The following GREM2 variants were observed in gnomAD, a reference collection of about 807,000 sequenced individuals.
GREM2 encodes the protein gremlin-2.
In GREM2, 11 loss-of-function variants were observed where a neutral mutation model predicts 14.2. The ratio of observed to expected loss-of-function variants is 0.78; its 90% CI spans 0.49 to 1.28. The LOEUF (loss-of-function observed/expected upper bound fraction) is 1.28. Among genes scored for constraint, GREM2 ranks in the 50% most tolerant of loss-of-function variants. The pLI is 0.00. For synonymous variants in GREM2, 98 were observed against 97.6 expected (o/e 1.00, Z -0.02); for missense variants, 210 against 218.5 (o/e 0.96, Z 0.24).
chr1:240,572,032 C>T (rs533708203), intron 1 of GREM2, among the ~76,000 whole-genome samples: 6 of 152,146 alleles, frequency 3.9e-5, no homozygotes, highest in African/African-American at 1.4e-4. Context: ...CCCACAGGGC[C>T]TCATGAGGAT....
At chr1:240,555,423 A>G (rs1045584205) in intron 1 of GREM2, among the ~76,000 whole-genome samples, 1 of 152,226 alleles carries the variant, frequency 6.6e-6, no homozygotes, top group Admixed American at 6.5e-5. Flanking sequence ...AGCATTAGCT[A>G]CGATTATTGG....
chr1:240,594,770 A>G lies in GREM2; in HGVS notation c.-2+17114T>C, dbSNP rs185411850. Among the ~76,000 whole-genome samples, 816 of 152,222 alleles carry G rather than the reference A, an allele frequency of 5.4e-3. 23 individuals are homozygous for G. The highest frequency in any genetic ancestry group is 0.048 in the Admixed American group (737 of 15,262). On this transcript the variant is annotated intron_variant, in intron 1 of 1. Coordinates refer to ENST00000318160, the MANE Select transcript of GREM2 (RefSeq NM_022469.4). ...CATGTGTCACTTAACGACAGGGGAC[A>G]CATTCTAAAAATGTGTTTTTAGAGA... is the stretch of plus-strand genomic sequence containing the variant.
intron 1 of GREM2, among the ~76,000 whole-genome samples, chr1:240,574,354 C>T (rs1232320845): frequency 6.6e-6 from 1 of 152,058 alleles, no homozygotes. Context: ...TAGAAAAGAA[C>T]CTACTAGTAA....
intron 1 of GREM2, among the ~76,000 whole-genome samples, chr1:240,584,948 C>G (rs1679560689): frequency 6.6e-6 from 1 of 152,094 alleles, no homozygotes; most frequent in African/African-American, 2.4e-5. Context: ...GCCATCCTTT[C>G]TGTCCATCCT....
In GREM2 at chr1:240,500,276, A is replaced by G. The variant is rs143309159; in HGVS notation, c.-1-6800T>C. ...TTTTGCTGCTCATGTTCTGTGTATC[A>G]GAGTATGTTTGTGTGTGTGGATAAT... On this transcript the variant is annotated intron_variant, in intron 1 of 1. Coordinates refer to ENST00000318160, the MANE Select transcript of GREM2 (RefSeq NM_022469.4). Among the ~76,000 whole-genome samples the G allele has an allele frequency of 5.4e-4, 82 of 151,806 alleles. No homozygotes were observed. In the East Asian group the frequency reaches 0.014, roughly 26 times the overall value.
intron 1 of GREM2, chr1:240,530,998 A>G (rs1194724144): frequency 1.3e-5 from 2 of 152,252 alleles, no homozygotes. Context: ...TCAAATGATG[A>G]CAGACATTTA....
rs1451221631 is a variant in GREM2, at chr1:240,589,358, C to A, written c.-2+22526G>T. 2.0e-5 allele frequency among the ~76,000 whole-genome samples: 3 copies of A among 151,668 alleles called. No individual in the cohort carries two copies. In the East Asian group the frequency reaches 5.9e-4, roughly 30 times the overall value. On this transcript the variant is annotated intron_variant, in intron 1 of 1. Coordinates refer to ENST00000318160, the MANE Select transcript of GREM2 (RefSeq NM_022469.4). ...TCTGAGGGAGAAGAACCGCTTGAACCCGGGAGGCAGAGGTTGTGTTGAGCT... is the reference window on the plus strand; with the variant it reads ...TCTGAGGGAGAAGAACCGCTTGAACACGGGAGGCAGAGGTTGTGTTGAGCT...
intron 1 of GREM2, among the ~76,000 whole-genome samples, chr1:240,608,695 G>T (rs1052132947): frequency 8.5e-5 from 13 of 152,216 alleles, no homozygotes; most frequent in Non-Finnish European, 1.8e-4. Flanking sequence ...TGAGTTCACT[G>T]TGAAATATGC....
At chr1:240,574,288 G>T (rs1439198009) in intron 1 of GREM2, among the ~76,000 whole-genome samples, 2 of 152,056 alleles carry the variant, frequency 1.3e-5, no homozygotes, top group Non-Finnish European at 2.9e-5. Flanking sequence ...CCACTCCTCA[G>T]AAAAGAAAGA....
chr1:240,521,978 G>A (rs569458195), intron 1 of GREM2, among the ~76,000 whole-genome samples: 9 of 151,112 alleles, frequency 6.0e-5, no homozygotes, highest in African/African-American at 1.5e-4. Flanking sequence ...TAATTAGCTC[G>A]GCATGGTGGC....
Position 240,525,720 on chromosome 1 carries a change from C to T in GREM2, c.-1-32244G>A, listed in dbSNP as rs1247347816. ...TCTTGAACTTGTGACTTCAAGTGAT[C>T]CACCCTCCTCGGCCTCCCAAAATGT... On this transcript the variant is annotated intron_variant, in intron 1 of 1. Transcript: ENST00000318160. Among the ~76,000 whole-genome samples, 4 of 152,102 alleles carry T rather than the reference C, an allele frequency of 2.6e-5. No individual in the cohort carries two copies. The East Asian group carries it at 7.8e-4, about 30-fold the overall frequency.
At chr1:240,555,594 A>G (rs1678940793) in intron 1 of GREM2, among the ~76,000 whole-genome samples, 1 of 152,238 alleles carries the variant, frequency 6.6e-6, no homozygotes, top group Non-Finnish European at 1.5e-5. Context: ...CTGAAGATCA[A>G]AATGAAAATT....
chr1:240,535,325 G>A (rs1678450166), intron 1 of GREM2, among the ~76,000 whole-genome samples: 1 of 152,154 alleles, frequency 6.6e-6, no homozygotes, highest in Non-Finnish European at 1.5e-5. Context: ...AAAAGTGAGT[G>A]GAGAGCTGAG....
chr1:240,528,370 C>T (rs963834537), intron 1 of GREM2, among the ~76,000 whole-genome samples: 1 of 152,058 alleles, frequency 6.6e-6, no homozygotes, highest in Non-Finnish European at 1.5e-5. Context: ...AGCAGAGGCT[C>T]AATAATGTTT....
chr1:240,499,644 G>A (rs1677519580), intron 1 of GREM2, among the ~76,000 whole-genome samples: 2 of 152,190 alleles, frequency 1.3e-5, no homozygotes, highest in Admixed American at 6.5e-5. Flanking sequence ...GACAGAGGTC[G>A]ATGTTTCTTG....
At position 240,542,207 on chromosome 1, in the gene GREM2, A is replaced by C. The variant is rs886536690; in HGVS notation, c.-1-48731T>G. 1.3e-5 allele frequency among the ~76,000 whole-genome samples: 2 copies of C among 152,090 alleles called. No individual in the cohort carries two copies. Among genetic ancestry groups the C allele is most frequent in the Admixed American group, 6.6e-5 (1 of 15,262 alleles). On this transcript the variant is annotated intron_variant, in intron 1 of 1. Transcript: ENST00000318160. The surrounding 1 kb of genome is among the most constrained non-coding windows in gnomAD (Gnocchi z 4.1). The stretch of plus-strand genomic sequence containing the variant: ...TTGTCAACAGCATCAATATTGAGAA[A>C]CCATAGATTAGATGTGCTACCTGAT...
chr1:240,582,858 T>A (rs1679517576), intron 1 of GREM2, among the ~76,000 whole-genome samples: 2 of 151,032 alleles, frequency 1.3e-5, no homozygotes, highest in South Asian at 2.1e-4. Flanking sequence ...AGGAACAAAA[T>A]TTTTTTAAAG....
chr1:240,549,220 C>T (rs144017039), intron 1 of GREM2, among the ~76,000 whole-genome samples: 1 of 152,034 alleles, frequency 6.6e-6, no homozygotes, highest in Admixed American at 6.5e-5. Flanking sequence ...CCTCTAATCC[C>T]AGCTATTCGA....
At chr1:240,510,249 A>G (rs373787190) in intron 1 of GREM2, among the ~76,000 whole-genome samples, 13 of 151,788 alleles carry the variant, frequency 8.6e-5, no homozygotes, top group Non-Finnish European at 1.5e-4. Context: ...GGGCGCCTGT[A>G]GTCCCAGCTA....
Sources: allele counts gnomAD v4.1 joint callset (sites outside exome capture counted in the v4.1 genomes callset), GRCh38; gene constraint gnomAD v4.1.1; non-coding constraint Gnocchi (gnomAD v3.1); transcripts MANE v1.5; gene names NCBI Gene and HGNC (gene_info 2026-07-23, HGNC 2026-07-21).